Variants in ABCB4 observed in about 807,000 individuals in gnomAD.
The protein encoded by ABCB4 is phosphatidylcholine translocator ABCB4.
A neutral mutation model predicts 145.7 loss-of-function variants in ABCB4; 76 were observed. The observed-to-expected ratio is 0.52, with a 90% confidence interval of 0.43 to 0.63. The LOEUF (loss-of-function observed/expected upper bound fraction) is 0.63. Among genes scored for constraint, ABCB4 ranks in the 30% least tolerant of loss-of-function variants. The pLI, the probability that ABCB4 is intolerant of heterozygous loss-of-function variation, is 0.00. For missense variants in ABCB4, 1,234 were observed against 1,553.1 expected (o/e 0.79, Z 3.45); for synonymous variants, 517 against 566.8 (o/e 0.91, Z 1.25).
At chr7:87,465,827 G>A (rs1298039426) in intron 3 of ABCB4, among the ~76,000 whole-genome samples, 2 of 152,172 alleles carry the variant, frequency 1.3e-5, no homozygotes, top group African/African-American at 2.4e-5. Context: ...CAACAGACCT[G>A]CGGCTGAGGG....
At chr7:87,418,503 G>A (rs544292312) in intron 20 of ABCB4, 34 bp downstream of exon 20, 6 of 1,593,024 alleles carry the variant, frequency 3.8e-6, no homozygotes, top group Non-Finnish European at 4.3e-6. Flanking sequence ...ACCATGTTAT[G>A]TAAAAAACTA....
chr7:87,473,823 A>T (rs1038208033), intron 2 of ABCB4, among the ~76,000 whole-genome samples: 1 of 152,192 alleles, frequency 6.6e-6, no homozygotes, highest in Non-Finnish European at 1.5e-5. Flanking sequence ...AGTTTTACTC[A>T]TAAGATGATT....
intron 7 of ABCB4, among the ~76,000 whole-genome samples, chr7:87,450,865 T>A (rs45614043): frequency 6.6e-6 from 1 of 152,144 alleles, no homozygotes; most frequent in Non-Finnish European, 1.5e-5. Context: ...ATACAGGTAG[T>A]TCACTGTGTA....
intron 15 of ABCB4, among the ~76,000 whole-genome samples, chr7:87,427,268 A>C (rs1298191957): frequency 6.6e-6 from 1 of 152,110 alleles, no homozygotes; most frequent in African/African-American, 2.4e-5. Flanking sequence ...AGAAGACTAC[A>C]TGGAAACACT....
intron 26 of ABCB4, 173 bp downstream of exon 26, chr7:87,406,115 A>G (rs895637968): frequency 3.0e-6 from 2 of 677,918 alleles, no homozygotes; most frequent in African/African-American, 3.6e-5. Flanking sequence ...TGAGGTAGGC[A>G]TAATGTATTC....
intron 17 of ABCB4, chr7:87,423,661 A>C: frequency 2.0e-6 from 1 of 505,154 alleles, no homozygotes; most frequent in Non-Finnish European, 3.6e-6. Flanking sequence ...AAATGAAGAG[A>C]GCTCATTAGA....
chr7:87,371,986 G>A, the ABCB4 span, among the ~76,000 whole-genome samples: 6 of 124,808 alleles, frequency 4.8e-5, no homozygotes, highest in East Asian at 4.4e-4. Flanking sequence ...AGAGCAAGAC[G>A]CTGTCTCAAA....
the ABCB4 span, chr7:87,375,294 A>T: frequency 1.0e-5 from 2 of 191,994 alleles, no homozygotes; most frequent in Non-Finnish European, 2.2e-5. Flanking sequence ...GATATTTTTC[A>T]AGTTCTCCAT....
In ABCB4 at chr7:87,420,047, A is replaced by G. The variant is rs1408862826; in HGVS notation, c.2345T>C (p.Ile782Thr). ...QGFTFGKAGE[I>T]LTRRLRSMAF... The stretch of plus-strand genomic sequence containing the variant: ...CATTGACCGCAGTCTTCTGGTGAGG[A>G]TCTCGCCAGCTTTCCCAAACGTGAA... Residue 782 changes from isoleucine (I) to threonine (T), a missense_variant, in exon 19 of 28, where the codon ATC becomes ACC. Around this residue, in one of 7 missense-constraint regions of ABCB4, gnomAD observed 321 missense variants for 332.6 expected, o/e 0.97. Coordinates refer to ENST00000649586, the MANE Select transcript of ABCB4 (RefSeq NM_000443.4). 6.2e-7 allele frequency: 1 copy of G among 1,614,112 alleles called. No homozygotes were observed. Among genetic ancestry groups the G allele is most frequent in the South Asian group, 1.1e-5 (1 of 91,086 alleles).
At chr7:87,386,312 G>T in the ABCB4 span, among the ~76,000 whole-genome samples, 1 of 152,096 alleles carries the variant, frequency 6.6e-6, no homozygotes, top group African/African-American at 2.4e-5. Context: ...TTTGCTTAAT[G>T]GGAGACTTTT....
chr7:87,458,592 C>G (rs940763307), intron 4 of ABCB4, among the ~76,000 whole-genome samples: 1 of 152,172 alleles, frequency 6.6e-6, no homozygotes, highest in Admixed American at 6.5e-5. Context: ...TTAAACTCTA[C>G]AACTCTCAAC....
At chr7:87,465,811 A>G (rs1412010902) in intron 3 of ABCB4, among the ~76,000 whole-genome samples, 1 of 152,192 alleles carries the variant, frequency 6.6e-6, no homozygotes, top group Admixed American at 6.5e-5. Context: ...GACCTCCAGC[A>G]AACTCCAACA....
chr7:87,468,661 G>A (rs1003733626), intron 3 of ABCB4, among the ~76,000 whole-genome samples: 6 of 152,012 alleles, frequency 3.9e-5, no homozygotes, highest in South Asian at 4.1e-4. Flanking sequence ...CCGTGGGCGC[G>A]GTGGCTCACG....
the ABCB4 span, among the ~76,000 whole-genome samples, chr7:87,367,165 G>A: frequency 2.6e-5 from 4 of 152,190 alleles, no homozygotes; most frequent in African/African-American, 4.8e-5. Flanking sequence ...AAATGGGGAC[G>A]TTATCCTAGA....
At chr7:87,369,370 T>C in the ABCB4 span, 1 of 1,590,916 alleles carries the variant, frequency 6.3e-7, no homozygotes, top group South Asian at 1.1e-5. Flanking sequence ...CTGTTTCTGT[T>C]TCCAGAGAGT....
chr7:87,447,310 T>C lies in ABCB4; in HGVS notation c.834-105A>G. The C allele has an allele frequency of 3.5e-6, 4 of 1,136,876 alleles. No individual in the cohort carries two copies. In the Middle Eastern group the frequency reaches 1.1e-3, roughly 314 times the overall value. The allele number at this position is 1,136,876 out of a possible 1,614,324, so 70.4% of individuals were successfully genotyped here. ...TTGGAGGTTTAAGTAACAAAGTCAG[T>C]CAAGGTAATGAACCCATGGTGAGAC... On this transcript the variant is annotated intron_variant, in intron 8 of 27. Coordinates refer to ENST00000649586, the MANE Select transcript of ABCB4 (RefSeq NM_000443.4).
intron 16 of ABCB4, among the ~76,000 whole-genome samples, chr7:87,426,042 A>T (rs1809781266): frequency 6.6e-6 from 1 of 152,044 alleles, no homozygotes; most frequent in Non-Finnish European, 1.5e-5. Context: ...AAAAAAATTG[A>T]ATTTTCCATA....
At position 87,409,396 on chromosome 7, in the gene ABCB4, G is replaced by C. The variant is rs752863097; in HGVS notation, c.2925-4C>G. The stretch of plus-strand genomic sequence containing the variant: ...AAATACAATTGCAGAAAACACCCTA[G>C]ACAGAAGTAGAGGAATTCAAAAATT... On this transcript the variant is annotated splice_polypyrimidine_tract_variant and splice_region_variant and intron_variant, in intron 23 of 27. Coordinates refer to ENST00000649586, the MANE Select transcript of ABCB4 (RefSeq NM_000443.4). The C allele has an allele frequency of 3.0e-5, 48 of 1,613,796 alleles. No individual in the cohort carries two copies. The highest frequency in any genetic ancestry group is 4.1e-5 in the Non-Finnish European group (48 of 1,179,844).
chr7:87,418,433 T>C, intron 20 of ABCB4, 104 bp downstream of exon 20: 1 of 1,081,056 alleles, frequency 9.3e-7, no homozygotes. Flanking sequence ...ATTTGAGCTT[T>C]CTGCTATTTC....
Sources: gnomAD v4.1 joint callset for allele counts (sites outside exome capture counted in the v4.1 genomes callset) on GRCh38, gnomAD v4.1.1 for gene constraint, gnomAD v4.1.1 regional missense constraint, MANE v1.5 for transcripts, NCBI Gene and HGNC (gene_info 2026-07-23, HGNC 2026-07-21) for gene names.